The following ZDHHC15 variants were observed in gnomAD, a reference collection of about 807,000 sequenced individuals.
ZDHHC15 encodes zDHHC palmitoyltransferase 15, also known as palmitoyltransferase ZDHHC15.
Under a neutral mutation model 31.7 loss-of-function variants are expected in ZDHHC15, and 19 were observed. The observed-to-expected ratio is 0.60, with a 90% CI of 0.42 to 0.88. The LOEUF is 0.88. Among genes scored for constraint, ZDHHC15 ranks in the 40% least tolerant of loss-of-function variants. The pLI is 0.00. For missense variants in ZDHHC15, 209 were observed against 251.2 expected (o/e 0.83, Z 1.14); for synonymous variants, 103 against 90.0 (o/e 1.14, Z -0.82).
chrX:75,449,615 A>T (rs1314883328), intron 4 of ZDHHC15, among the ~76,000 whole-genome samples: 1 of 112,292 alleles, frequency 8.9e-6, no homozygotes, highest in African/African-American at 3.2e-5. Flanking sequence ...GCTCTAACAA[A>T]ATTAACAGCA....
intron 1 of ZDHHC15, 55 bp downstream of exon 1, chrX:75,522,834 C>A: frequency 8.3e-7 from 1 of 1,199,105 alleles, no homozygotes; most frequent in South Asian, 1.8e-5. Flanking sequence ...GAAGGTAGGG[C>A]AAACGATTAT....
rs186687686 is a variant in ZDHHC15 at position 75,437,840 on chromosome X, T to C, written c.380-6320A>G. Among the ~76,000 whole-genome samples, 438 of 111,201 alleles carry C rather than the reference T, an allele frequency of 3.9e-3. 3 individuals carry two copies. The highest frequency in any genetic ancestry group is 0.013 in the African/African-American group (410 of 30,510). On this transcript the variant is annotated intron_variant, in intron 4 of 11. Coordinates refer to ENST00000373367, the MANE Select transcript of ZDHHC15 (RefSeq NM_144969.3). Reference sequence around the variant, plus strand: ...CTGGGTCAAATGGTATTTCTAGTTCTAGATCTCTGAGGAATCACCACACTG... The same window carrying C: ...CTGGGTCAAATGGTATTTCTAGTTCCAGATCTCTGAGGAATCACCACACTG...
chrX:75,456,410 A>T (rs2084223170), intron 3 of ZDHHC15, among the ~76,000 whole-genome samples: 2 of 110,465 alleles, frequency 1.8e-5, no homozygotes, highest in Admixed American at 9.7e-5. Context: ...GTAAGTGTCA[A>T]GTTGATGGGC....
intron 10 of ZDHHC15, among the ~76,000 whole-genome samples, chrX:75,385,434 T>G (rs185048646): frequency 9.0e-6 from 1 of 111,608 alleles, no homozygotes; most frequent in African/African-American, 3.3e-5. Context: ...TAGTTCCCCA[T>G]CACTCACAGA....
intron 3 of ZDHHC15, among the ~76,000 whole-genome samples, 192 bp downstream of exon 3, chrX:75,478,699 A>C (rs1355771474): frequency 9.0e-6 from 1 of 111,731 alleles, no homozygotes; most frequent in Non-Finnish European, 1.9e-5. Flanking sequence ...TATTAAAGAT[A>C]TCCAGAGCTG....
chrX:75,499,733 T>C (rs1421079992), intron 2 of ZDHHC15, among the ~76,000 whole-genome samples: 3 of 112,059 alleles, frequency 2.7e-5, no homozygotes, highest in African/African-American at 9.7e-5. Context: ...CCTAAAGAAC[T>C]GAAAGTAGAT....
At position 75,488,134 on chromosome X, in the gene ZDHHC15, C is replaced by A. The variant is rs142942441; in HGVS notation, c.164-9149G>T. 2.7e-3 allele frequency among the ~76,000 whole-genome samples: 301 copies of A among 111,919 alleles called. 1 individual carries two copies. The highest frequency in any genetic ancestry group is 9.2e-3 in the African/African-American group (284 of 30,874). On this transcript the variant is annotated intron_variant, in intron 2 of 11. Transcript: ENST00000373367. ...ATCGAGAAAAACTTCCCTGGTCTTG[C>A]TACTGATCTAGACATCCGAATACAA...
intron 4 of ZDHHC15, among the ~76,000 whole-genome samples, chrX:75,438,870 C>A (rs766408224): frequency 8.9e-6 from 1 of 112,123 alleles, no homozygotes; most frequent in East Asian, 2.8e-4. Context: ...ATTATCTCAG[C>A]ATTTTTTTGT....
At chrX:75,492,069 T>A (rs1209097571) in intron 2 of ZDHHC15, among the ~76,000 whole-genome samples, 1 of 111,143 alleles carries the variant, frequency 9.0e-6, no homozygotes, top group African/African-American at 3.3e-5. Context: ...GAGACACATA[T>A]AGGCTCAAAA....
intron 2 of ZDHHC15, among the ~76,000 whole-genome samples, chrX:75,487,086 C>T (rs1004839496): frequency 4.8e-4 from 54 of 111,743 alleles, no homozygotes; most frequent in Admixed American, 4.5e-3. Context: ...CAAGCCATTA[C>T]AGCAACTCAT....
chrX:75,469,542 C>T (rs1490119105), intron 3 of ZDHHC15, among the ~76,000 whole-genome samples: 1 of 112,011 alleles, frequency 8.9e-6, no homozygotes, highest in East Asian at 2.8e-4. Context: ...GAAGTTTCGT[C>T]CATGTGGTAG....
At chrX:75,495,264 T>G (rs2084973542) in intron 2 of ZDHHC15, among the ~76,000 whole-genome samples, 2 of 111,552 alleles carry the variant, frequency 1.8e-5, no homozygotes, top group Middle Eastern at 4.6e-3. Context: ...TGGCGATCAT[T>G]AAAAAGTCAG....
Position 75,424,792 on chromosome X carries a change from A to G in ZDHHC15, c.604-8T>C, listed in dbSNP as rs763511839. Reference sequence around the variant, plus strand: ...AACACTGGGTAATTCCCCCTAGAAAAGAAATAATAAACAAGCAAAAGATTA... The same window carrying G: ...AACACTGGGTAATTCCCCCTAGAAAGGAAATAATAAACAAGCAAAAGATTA... On this transcript the variant is annotated splice_polypyrimidine_tract_variant and splice_region_variant and intron_variant, in intron 7 of 11. Coordinates refer to ENST00000373367, the MANE Select transcript of ZDHHC15 (RefSeq NM_144969.3). 1 of 1,177,969 alleles carries G rather than the reference A, an allele frequency of 8.5e-7. No individual in the cohort carries two copies. Among genetic ancestry groups the G allele is most frequent in the Non-Finnish European group, 1.1e-6 (1 of 880,969 alleles).
intron 1 of ZDHHC15, among the ~76,000 whole-genome samples, chrX:75,519,442 G>T (rs2085414503): frequency 9.0e-6 from 1 of 111,584 alleles, no homozygotes; most frequent in African/African-American, 3.3e-5. Flanking sequence ...TTGTCATATG[G>T]ATGAACAACT....
At chrX:75,473,001 C>A (rs1385130890) in intron 3 of ZDHHC15, among the ~76,000 whole-genome samples, 1 of 112,078 alleles carries the variant, frequency 8.9e-6, no homozygotes, top group African/African-American at 3.2e-5. Context: ...ACAGGTTTAC[C>A]TATCCTGCAC....
At chrX:75,373,664 A>G (rs1374304067) in intron 11 of ZDHHC15, among the ~76,000 whole-genome samples, 1 of 110,988 alleles carries the variant, frequency 9.0e-6, no homozygotes, top group Admixed American at 9.7e-5. Flanking sequence ...ATCTTATTAA[A>G]TTTATTTTTA....
chrX:75,399,777 C>A (rs1186402421), intron 10 of ZDHHC15, among the ~76,000 whole-genome samples: 1 of 111,109 alleles, frequency 9.0e-6, no homozygotes, highest in Non-Finnish European at 1.9e-5. Flanking sequence ...AATAGGGGAG[C>A]TACACAACTG....
At chrX:75,412,592 C>T (rs757716649) in intron 10 of ZDHHC15, among the ~76,000 whole-genome samples, 9 of 110,417 alleles carry the variant, frequency 8.2e-5, no homozygotes, top group African/African-American at 1.6e-4. Context: ...CCACCACGCC[C>T]GGCTAATTTT....
chrX:75,492,641 A>T (rs148971679), intron 2 of ZDHHC15, among the ~76,000 whole-genome samples: 9,890 of 111,273 alleles, frequency 0.089, 691 homozygotes, highest in African/African-American at 0.24. Flanking sequence ...TCAAAACTGG[A>T]CAACTACATG....
Sources: gnomAD v4.1 joint callset for allele counts (sites outside exome capture counted in the v4.1 genomes callset) on GRCh38, gnomAD v4.1.1 for gene constraint, MANE v1.5 for transcripts, NCBI Gene and HGNC (gene_info 2026-07-23, HGNC 2026-07-21) for gene names.